RNF144A: variants seen among roughly 807,000 people sequenced by gnomAD.
The protein encoded by RNF144A is E3 ubiquitin-protein ligase RNF144A.
Under a neutral mutation model 38.7 loss-of-function variants are expected in RNF144A, and 11 were observed. The observed-to-expected ratio is 0.28, with a 90% CI of 0.18 to 0.47. The LOEUF (loss-of-function observed/expected upper bound fraction) is 0.47, where lower values mean the gene tolerates loss of function less well. Ranked by LOEUF, RNF144A falls within the 20% of genes least tolerant of loss-of-function variation. The probability of loss-of-function intolerance (pLI) is 0.99; values close to 1 mark genes in which losing one functional copy is unlikely to be tolerated. For synonymous variants in RNF144A, 149 were observed against 143.9 expected, an observed-to-expected ratio of 1.04 and a Z score of -0.25; for missense variants, 316 against 377.2, an observed-to-expected ratio of 0.84 and a Z score of 1.34.
chr2:7,053,502 T>C (rs1431643524), intron 6 of RNF144A, among the ~76,000 whole-genome samples: 1 of 152,246 alleles, frequency 6.6e-6, no homozygotes, highest in Non-Finnish European at 1.5e-5. Context: ...TTCCATTTGT[T>C]GGCAGAATTT....
chr2:7,042,127 A>G lies in RNF144A; in HGVS notation c.*2367A>G, dbSNP rs1364058938. The G allele has an allele frequency of 5.1e-6, 5 of 985,204 alleles. No individual in the cohort carries two copies. The highest frequency in any genetic ancestry group is 6.1e-5 in the Admixed American group (1 of 16,264). The allele number at this position is 985,204 out of a possible 1,614,324, so 61.0% of individuals were successfully genotyped here. A position where few individuals can be genotyped will look rare whatever the true frequency, so the allele number is the denominator to read the frequency against. ...TCTAGATATAAAATTAAAATTGTCC[A>G]TTTCCTATATAAATACCAGCAAGAT... On this transcript the variant is annotated 3_prime_UTR_variant, in exon 9 of 9. Coordinates refer to ENST00000320892, the MANE Select transcript of RNF144A (RefSeq NM_014746.6).
intron 1 of RNF144A, among the ~76,000 whole-genome samples, chr2:6,936,522 A>C (rs1665594604): frequency 6.6e-6 from 1 of 152,178 alleles, no homozygotes; most frequent in African/African-American, 2.4e-5. Context: ...GCTATTTTAG[A>C]GCCTTTATTT....
rs1673196480 is a variant in RNF144A, at chr2:7,043,930, A to G, written c.*4170A>G. On this transcript the variant is annotated 3_prime_UTR_variant, in exon 9 of 9. Coordinates refer to ENST00000320892, the MANE Select transcript of RNF144A (RefSeq NM_014746.6). ...ATTTGACAAGTGGTGGTGAAACAAAATCAAAACAGATTTGATTTGTGTTTT... is the reference window on the plus strand; with the variant it reads ...ATTTGACAAGTGGTGGTGAAACAAAGTCAAAACAGATTTGATTTGTGTTTT... 1.0e-6 allele frequency: 1 copy of G among 985,892 alleles called. No homozygotes were observed. Among genetic ancestry groups the G allele is most frequent in the Non-Finnish European group, 1.2e-6 (1 of 829,928 alleles). The allele number at this position is 985,892 out of a possible 1,614,324, so 61.1% of individuals were successfully genotyped here.
chr2:6,931,497 G>A (rs1385600323), intron 1 of RNF144A, among the ~76,000 whole-genome samples: 1 of 152,250 alleles, frequency 6.6e-6, no homozygotes, highest in Admixed American at 6.5e-5. Context: ...CCACTGTGGA[G>A]AACTTCATTG....
chr2:6,934,214 C>A (rs1033206261), intron 1 of RNF144A, among the ~76,000 whole-genome samples: 1 of 152,150 alleles, frequency 6.6e-6, no homozygotes, highest in Non-Finnish European at 1.5e-5. Flanking sequence ...GCTGATCTGA[C>A]AAGTGAAATA....
intron 2 of RNF144A, among the ~76,000 whole-genome samples, chr2:6,966,233 T>C (rs771323): frequency 0.87 from 132,746 of 152,278 alleles, 58,153 homozygotes; most frequent in African/African-American, 0.97. Flanking sequence ...AGCAGGAACA[T>C]GAAGACTAAA....
chr2:6,954,370 G>A (rs1666871150), intron 2 of RNF144A, among the ~76,000 whole-genome samples: 1 of 152,046 alleles, frequency 6.6e-6, no homozygotes, highest in African/African-American at 2.4e-5. Context: ...TAAAAAAAAA[G>A]AAAGCCTTAA....
chr2:7,046,089 T>C (rs774973702), downstream of RNF144A, among the ~76,000 whole-genome samples: 12 of 152,262 alleles, frequency 7.9e-5, no homozygotes, highest in Admixed American at 3.3e-4. Flanking sequence ...CAGACTTTGA[T>C]AGCATGTGCT....
chr2:7,011,980 A>G (rs964888450), intron 3 of RNF144A, among the ~76,000 whole-genome samples: 1 of 152,198 alleles, frequency 6.6e-6, no homozygotes, highest in African/African-American at 2.4e-5. Flanking sequence ...GACATGACTC[A>G]CTACTTGTTG....
chr2:6,971,099 A>C (rs1173255816), intron 2 of RNF144A, among the ~76,000 whole-genome samples: 2 of 152,186 alleles, frequency 1.3e-5, no homozygotes, highest in Non-Finnish European at 2.9e-5. Flanking sequence ...AGAAATACTC[A>C]GTGACTGTGT....
At chr2:7,047,654 C>T (rs1673362422), downstream of RNF144A, among the ~76,000 whole-genome samples, 2 of 152,174 alleles carry the variant, frequency 1.3e-5, no homozygotes, top group South Asian at 4.1e-4. Context: ...AAACCAGTCA[C>T]TTGGGATGGT....
chr2:7,013,242 C>T (rs575208568), intron 3 of RNF144A, among the ~76,000 whole-genome samples: 1 of 152,182 alleles, frequency 6.6e-6, no homozygotes, highest in Admixed American at 6.5e-5. Context: ...TAGGTTAAAC[C>T]ACCCTAAATT....
chr2:6,952,987 T>C (rs944078198), intron 2 of RNF144A, among the ~76,000 whole-genome samples: 1 of 152,206 alleles, frequency 6.6e-6, no homozygotes, highest in African/African-American at 2.4e-5. Flanking sequence ...TACTTTGTGT[T>C]TTATTTATTT....
downstream of RNF144A, among the ~76,000 whole-genome samples, chr2:7,046,301 T>C (rs1673305123): frequency 6.6e-6 from 1 of 152,166 alleles, no homozygotes; most frequent in African/African-American, 2.4e-5. Flanking sequence ...CTTCTCTAGC[T>C]AAAGTCACCC....
intron 2 of RNF144A, among the ~76,000 whole-genome samples, chr2:6,996,398 G>A (rs1472987637): frequency 1.3e-5 from 2 of 152,200 alleles, no homozygotes; most frequent in African/African-American, 2.4e-5. Flanking sequence ...AAGGATGGGT[G>A]TGTGGGTGAG....
chr2:6,951,671 T>C (rs1666688218), intron 2 of RNF144A, among the ~76,000 whole-genome samples: 1 of 152,230 alleles, frequency 6.6e-6, no homozygotes, highest in African/African-American at 2.4e-5. Context: ...ACCTTACTTA[T>C]CTTTTGTTGA....
At position 7,038,501 on chromosome 2, in the gene RNF144A, C is replaced by T. The variant is rs144922933; in HGVS notation, c.748-1128C>T. Among the ~76,000 whole-genome samples, 633 of 152,116 alleles carry T rather than the reference C, an allele frequency of 4.2e-3. 8 individuals carry two copies. The highest frequency in any genetic ancestry group is 0.015 in the African/African-American group (607 of 41,494). ...ACCTCTGTATTTGCAGTGTCAAGTG[C>T]AGTGTCTGGGTCAGGGTGGCTGCTG... On this transcript the variant is annotated intron_variant, in intron 8 of 8. Transcript: ENST00000320892.
intron 8 of RNF144A, among the ~76,000 whole-genome samples, chr2:7,034,150 G>A (rs565031231): frequency 6.6e-6 from 1 of 152,284 alleles, no homozygotes; most frequent in Non-Finnish European, 1.5e-5. Context: ...GGGAGGGACA[G>A]GAGTAACACC....
chr2:6,987,140 A>G (rs533424196), intron 2 of RNF144A, among the ~76,000 whole-genome samples: 1 of 151,996 alleles, frequency 6.6e-6, no homozygotes, highest in Non-Finnish European at 1.5e-5. Flanking sequence ...GGAGTGTTTT[A>G]TCAGCACTCT....
Sources: allele counts gnomAD v4.1 joint callset (sites outside exome capture counted in the v4.1 genomes callset), GRCh38; gene constraint gnomAD v4.1.1; transcripts MANE v1.5; gene names NCBI Gene and HGNC (gene_info 2026-07-23, HGNC 2026-07-21).